The following KCND2 variants were observed in gnomAD, a reference collection of about 807,000 sequenced individuals.
KCND2 encodes potassium voltage-gated channel subfamily D member 2, also known as A-type voltage-gated potassium channel KCND2.
In KCND2, 16 loss-of-function variants were observed where a neutral mutation model predicts 54.4. That is an observed-to-expected ratio of 0.29 (90% CI 0.20 to 0.45). The LOEUF is 0.45. KCND2 is among the 20% of genes least tolerant of loss of function. The pLI is 1.00. For missense variants in KCND2, 486 were observed against 824.2 expected (o/e 0.59, Z 5.02); for synonymous variants, 317 against 310.7 (o/e 1.02, Z -0.21).
chr7:120,292,739 G>A (rs1273430054), intron 1 of KCND2, among the ~76,000 whole-genome samples: 1 of 151,790 alleles, frequency 6.6e-6, no homozygotes, highest in Non-Finnish European at 1.5e-5. Context: ...GGTATTAAGA[G>A]GTTAAACTGA....
intron 1 of KCND2, among the ~76,000 whole-genome samples, chr7:120,334,526 G>A (rs1800117059): frequency 6.6e-6 from 1 of 152,156 alleles, no homozygotes; most frequent in South Asian, 2.1e-4. Flanking sequence ...ACCTATTTCA[G>A]TCAAGGTCAG....
intron 1 of KCND2, among the ~76,000 whole-genome samples, chr7:120,683,066 A>T (rs552093387): frequency 6.6e-6 from 1 of 152,294 alleles, no homozygotes; most frequent in African/African-American, 2.4e-5. Context: ...AATCATTGCC[A>T]AAGACAGATG....
At chr7:120,478,165 A>G (rs1802556794) in intron 1 of KCND2, among the ~76,000 whole-genome samples, 2 of 152,292 alleles carry the variant, frequency 1.3e-5, no homozygotes, top group South Asian at 4.1e-4. Flanking sequence ...TTTGATTTGT[A>G]ATTACTCTGT....
intron 1 of KCND2, among the ~76,000 whole-genome samples, chr7:120,351,264 A>ATATATATATATATATATATATATC (rs1478998313): frequency 6.8e-6 from 1 of 146,758 alleles, no homozygotes; most frequent in African/African-American, 2.5e-5. Context: ...ATATATATAT[A>ATATATATATATATATATATATATC]TATCCAGTAT....
At chr7:120,602,313 T>C (rs1051379859) in intron 1 of KCND2, among the ~76,000 whole-genome samples, 3 of 152,214 alleles carry the variant, frequency 2.0e-5, no homozygotes, top group African/African-American at 7.2e-5. Context: ...CTGTTACCTC[T>C]GTTTTTTCCA....
At chr7:120,451,612 G>A (rs77884165) in intron 1 of KCND2, among the ~76,000 whole-genome samples, 3,463 of 152,234 alleles carry the variant, frequency 0.023, 142 homozygotes, top group African/African-American at 0.079. Flanking sequence ...TTTCGCAGAC[G>A]TAAAGGCAAA....
At chr7:120,394,050 G>A (rs1338875954) in intron 1 of KCND2, among the ~76,000 whole-genome samples, 3 of 151,972 alleles carry the variant, frequency 2.0e-5, no homozygotes, top group South Asian at 2.1e-4. Flanking sequence ...AATAATCAGA[G>A]ATGGGAGGGG....
chr7:120,425,516 C>T (rs1801694875), intron 1 of KCND2, among the ~76,000 whole-genome samples: 1 of 152,208 alleles, frequency 6.6e-6, no homozygotes, highest in Non-Finnish European at 1.5e-5. Flanking sequence ...ACTCCAGTGC[C>T]AGTATCACCC....
intron 1 of KCND2, among the ~76,000 whole-genome samples, chr7:120,577,125 C>A (rs955479553): frequency 6.6e-6 from 1 of 151,750 alleles, no homozygotes; most frequent in African/African-American, 2.4e-5. Flanking sequence ...CCAGCCTGGA[C>A]AACAGAGTGA....
rs933938723 is a variant in KCND2, at chr7:120,525,548, T to C, written c.1116-207355T>C. Among the ~76,000 whole-genome samples, 17 of 152,276 alleles carry C rather than the reference T, an allele frequency of 1.1e-4. No individual in the cohort carries two copies. In the East Asian group the frequency reaches 3.3e-3, roughly 29 times the overall value. ...AATTCTGAGGGCACAATTAAGTAGCTGGCAGGAAATCCCAGTCTTTTCCCC... is the reference window on the plus strand; with the variant it reads ...AATTCTGAGGGCACAATTAAGTAGCCGGCAGGAAATCCCAGTCTTTTCCCC... On this transcript the variant is annotated intron_variant, in intron 1 of 5. Transcript: ENST00000331113.
At chr7:120,373,016 G>A (rs1410731474) in intron 1 of KCND2, among the ~76,000 whole-genome samples, 1 of 151,768 alleles carries the variant, frequency 6.6e-6, no homozygotes, top group Non-Finnish European at 1.5e-5. Context: ...TTAACTTCAC[G>A]AGAATATTCT....
chr7:120,662,677 C>G (rs900877455), intron 1 of KCND2, among the ~76,000 whole-genome samples: 1 of 152,098 alleles, frequency 6.6e-6, no homozygotes, highest in African/African-American at 2.4e-5. Flanking sequence ...TTCTCTTTGC[C>G]TTTCTTACTT....
chr7:120,356,716 A>G (rs560927534), intron 1 of KCND2, among the ~76,000 whole-genome samples: 1 of 152,236 alleles, frequency 6.6e-6, no homozygotes, highest in Non-Finnish European at 1.5e-5. Flanking sequence ...GCTATTGGCA[A>G]CTTCTTGGAT....
intron 1 of KCND2, among the ~76,000 whole-genome samples, chr7:120,592,716 G>T (rs1264266325): frequency 6.6e-6 from 1 of 152,158 alleles, no homozygotes; most frequent in Admixed American, 6.5e-5. Flanking sequence ...CTGCACGTGT[G>T]ACCTGGTTGG....
At chr7:120,509,221 GA>G (rs1243381065) in intron 1 of KCND2, among the ~76,000 whole-genome samples, 1 of 151,444 alleles carries the variant, frequency 6.6e-6, no homozygotes, top group Non-Finnish European at 1.5e-5. Flanking sequence ...TGGGATCCTG[GA>G]ACAAAAAAAA....
At chr7:120,355,571 A>C (rs1254210091) in intron 1 of KCND2, among the ~76,000 whole-genome samples, 1 of 151,930 alleles carries the variant, frequency 6.6e-6, no homozygotes, top group Non-Finnish European at 1.5e-5. Flanking sequence ...ATTACATGAG[A>C]TATTCAGCAC....
intron 1 of KCND2, among the ~76,000 whole-genome samples, chr7:120,675,063 A>C (rs889029144): frequency 6.6e-6 from 1 of 152,018 alleles, no homozygotes; most frequent in African/African-American, 2.4e-5. Context: ...TTTGTTGAAA[A>C]TATGAGTTTC....
chr7:120,511,099 T>G (rs1803107892), intron 1 of KCND2, among the ~76,000 whole-genome samples: 1 of 151,650 alleles, frequency 6.6e-6, no homozygotes, highest in Non-Finnish European at 1.5e-5. Flanking sequence ...CACCCTAGTC[T>G]CTTGCTATTT....
intron 1 of KCND2, among the ~76,000 whole-genome samples, chr7:120,396,329 A>T (rs1801155737): frequency 6.6e-6 from 1 of 152,072 alleles, no homozygotes; most frequent in Non-Finnish European, 1.5e-5. Context: ...GGCATGTCTC[A>T]GCTTAGAGTT....
Sources: allele counts gnomAD v4.1 joint callset (sites outside exome capture counted in the v4.1 genomes callset), GRCh38; gene constraint gnomAD v4.1.1; transcripts MANE v1.5; gene names NCBI Gene and HGNC (gene_info 2026-07-23, HGNC 2026-07-21).